The following SHROOM2 variants were observed in gnomAD, a reference collection of about 807,000 sequenced individuals.
SHROOM2 encodes shroom family member 2.
A neutral mutation model predicts 75.9 loss-of-function variants in SHROOM2; 33 were observed. The ratio of observed to expected loss-of-function variants is 0.43; its 90% confidence interval spans 0.33 to 0.58. The LOEUF (loss-of-function observed/expected upper bound fraction) is 0.58, where lower values mean the gene tolerates loss of function less well. SHROOM2 is among the 20% of genes least tolerant of loss of function. SHROOM2 has a pLI of 0.04. For synonymous variants in SHROOM2, 655 were observed against 663.6 expected, an observed-to-expected ratio of 0.99 and a Z score of 0.20; for missense variants, 1,434 against 1,461.2, an observed-to-expected ratio of 0.98 and a Z score of 0.30.
chrX:9,945,099 GTTGTTTGT>G (rs200731017), intron 9 of SHROOM2, among the ~76,000 whole-genome samples, 186 bp downstream of exon 9: 28 of 106,442 alleles, frequency 2.6e-4, no homozygotes, highest in Non-Finnish European at 4.6e-4. Context: ...TATTTCTTTA[GTTGTTTGT>G]TTGTTTGTTT....
Position 9,944,695 on chromosome X carries a change from G to A in SHROOM2, c.4366G>A (p.Glu1456Lys), listed in dbSNP as rs773531118. 7.4e-6 allele frequency: 9 copies of A among 1,211,241 alleles called. No homozygotes were observed. The highest frequency in any genetic ancestry group is 2.3e-4 in the Middle Eastern group (1 of 4,349). The part of the protein sequence containing the change: ...RKLQVLREAR[E>K]SLLEDVQANT... ...GCTGCAGGTGCTCCGGGAGGCCCGC[G>A]AGAGCCTGCTGGAGGACGTGCAGGC... Residue 1456 changes from glutamate (E) to lysine (K), a missense_variant, in exon 9 of 10, where the codon GAG (glutamate) becomes AAG (lysine). Around this residue, in one of 3 missense-constraint regions of SHROOM2, gnomAD observed 1,340 missense variants for 1,338.3 expected, o/e 1.00. Transcript: ENST00000380913.
At chrX:9,819,123 C>T (rs1389646589) in intron 1 of SHROOM2, 3 of 1,202,384 alleles carry the variant, frequency 2.5e-6, no homozygotes, top group South Asian at 1.8e-5. Context: ...AAGCATGCCT[C>T]GATAGCCACA....
At chrX:9,903,346 G>A (rs774804456) in intron 5 of SHROOM2, among the ~76,000 whole-genome samples, 3 of 112,167 alleles carry the variant, frequency 2.7e-5, no homozygotes, top group Admixed American at 9.5e-5. Context: ...ATAAAAAGGT[G>A]AAACTTGATC....
intron 6 of SHROOM2, among the ~76,000 whole-genome samples, chrX:9,935,579 G>A (rs1189188631): frequency 9.0e-6 from 1 of 110,928 alleles, no homozygotes; most frequent in Non-Finnish European, 1.9e-5. Context: ...GTGTCTGTGA[G>A]TCCCTAGATA....
At position 9,808,849 on chromosome X, in the gene SHROOM2, T is replaced by A. The variant is rs192593305; in HGVS notation, c.165+22139T>A. On this transcript the variant is annotated intron_variant, in intron 1 of 9. Coordinates refer to ENST00000380913, the MANE Select transcript of SHROOM2 (RefSeq NM_001649.4). Reference sequence around the variant, plus strand: ...TGCACTCCAGCCTGGGGGACAAGAGTGAACTTCGTCTCAAAAAAAAAATAA... The same window carrying A: ...TGCACTCCAGCCTGGGGGACAAGAGAGAACTTCGTCTCAAAAAAAAAATAA... Among the ~76,000 whole-genome samples the A allele has an allele frequency of 9.7e-3, 1,069 of 109,944 alleles. 14 individuals carry two copies. The highest frequency in any genetic ancestry group is 0.034 in the African/African-American group (1,027 of 30,092).
chrX:9,846,896 G>GCT (rs2084009593), intron 1 of SHROOM2, among the ~76,000 whole-genome samples: 1 of 111,994 alleles, frequency 8.9e-6, no homozygotes, highest in South Asian at 3.7e-4. Flanking sequence ...GTTTCATGGA[G>GCT]CACGGGGACG....
At chrX:9,932,065 T>A (rs1184298398) in intron 5 of SHROOM2, 110 bp from the exon 6 acceptor site, 1 of 729,260 alleles carries the variant, frequency 1.4e-6, no homozygotes, top group Non-Finnish European at 1.9e-6. Context: ...TGCATATGGA[T>A]TTAACTCCTG....
chrX:9,904,464 G>C (rs1474986583), intron 5 of SHROOM2, among the ~76,000 whole-genome samples: 1 of 112,109 alleles, frequency 8.9e-6, no homozygotes, highest in Non-Finnish European at 1.9e-5. Flanking sequence ...CCTGAGACTT[G>C]CCTTTCCAGA....
rs201897769 is a variant in SHROOM2, at chrX:9,937,592, G to T, written c.4046G>T (p.Gly1349Val). 1.7e-6 allele frequency: 2 copies of T among 1,209,958 alleles called. No homozygotes were observed. The highest frequency in any genetic ancestry group is 5.9e-5 in the East Asian group (2 of 33,750). The change falls in exon 7 of 10, where the codon GGC (glycine) becomes GTC (valine). Residue 1349 changes from glycine to valine, a missense_variant. Gly to Val is a moderately radical substitution (Grantham distance 109). Transcript: ENST00000380913. The part of the protein sequence containing the change: ...KIKTTMDLME[G>V]IFPKDEHLLE... ...AAAACCACTATGGACTTGATGGAAG[G>T]CATCTTCCCCAAAGACGAGCACCTC...
rs765417398 is a variant in SHROOM2 at position 9,921,636 on chromosome X, C to T, written c.2892-10539C>T. Among the ~76,000 whole-genome samples the T allele has an allele frequency of 3.6e-5, 4 of 112,051 alleles. No individual in the cohort carries two copies. In the South Asian group the frequency reaches 1.5e-3, roughly 42 times the overall value. On this transcript the variant is annotated intron_variant, in intron 5 of 9. Coordinates refer to ENST00000380913, the MANE Select transcript of SHROOM2 (RefSeq NM_001649.4). The stretch of plus-strand genomic sequence containing the variant: ...TCCCTGTTTCCCCTTCCCCCATCCC[C>T]TAACAACCACCATTCATTCTATTTG...
At chrX:9,882,937 A>T (rs761661190) in intron 2 of SHROOM2, among the ~76,000 whole-genome samples, 1 of 112,628 alleles carries the variant, frequency 8.9e-6, no homozygotes, top group Non-Finnish European at 1.9e-5. Flanking sequence ...ATCAGACATG[A>T]TGTCACCATT....
At chrX:9,802,643 G>A (rs1757782041) in intron 1 of SHROOM2, among the ~76,000 whole-genome samples, 1 of 111,842 alleles carries the variant, frequency 8.9e-6, no homozygotes, top group Non-Finnish European at 1.9e-5. Flanking sequence ...GACTGGCTCT[G>A]TTTCATTGCT....
chrX:9,891,870 T>G (rs755959780), intron 3 of SHROOM2, among the ~76,000 whole-genome samples: 224 of 64,109 alleles, frequency 3.5e-3, no homozygotes, highest in African/African-American at 0.017. Context: ...GCATGTTTGG[T>G]GTGTGTGTGT....
At chrX:9,890,949 C>T (rs1254404483) in intron 2 of SHROOM2, 28 bp from the exon 3 acceptor site, 2 of 1,178,818 alleles carry the variant, frequency 1.7e-6, no homozygotes, top group Non-Finnish European at 2.3e-6. Flanking sequence ...AGTCCCTGAC[C>T]CCCCGCCTCC....
At chrX:9,824,155 C>T (rs1358965090) in intron 1 of SHROOM2, among the ~76,000 whole-genome samples, 2 of 110,157 alleles carry the variant, frequency 1.8e-5, no homozygotes, top group African/African-American at 3.3e-5. Flanking sequence ...TAAGGTCGGC[C>T]GGGTGCTATG....
intron 8 of SHROOM2, among the ~76,000 whole-genome samples, chrX:9,942,868 G>C (rs2084784289): frequency 1.8e-5 from 2 of 111,673 alleles, no homozygotes. Flanking sequence ...TGAGATTCTT[G>C]TTGGCCTCTC....
At chrX:9,853,271 A>G (rs928999623) in intron 1 of SHROOM2, among the ~76,000 whole-genome samples, 4 of 111,409 alleles carry the variant, frequency 3.6e-5, no homozygotes, top group Non-Finnish European at 7.5e-5. Context: ...AGGCTTCCTG[A>G]TCTCCTTCTG....
intron 1 of SHROOM2, among the ~76,000 whole-genome samples, chrX:9,856,709 C>T (rs1232685686): frequency 8.9e-6 from 1 of 111,826 alleles, no homozygotes; most frequent in African/African-American, 3.3e-5. Context: ...TGTTCCTGGC[C>T]TCCGTGACTC....
intron 1 of SHROOM2, among the ~76,000 whole-genome samples, chrX:9,792,864 C>T (rs773168917): frequency 1.1e-3 from 126 of 110,010 alleles, no homozygotes; most frequent in African/African-American, 3.8e-3. Flanking sequence ...CGCACACCAC[C>T]ACGCCCTGCT....
Sources: allele counts gnomAD v4.1 joint callset (sites outside exome capture counted in the v4.1 genomes callset), GRCh38; gene constraint gnomAD v4.1.1; regional missense constraint gnomAD v4.1.1; transcripts MANE v1.5; gene names NCBI Gene and HGNC (gene_info 2026-07-23, HGNC 2026-07-21).